Variants in EBF2 observed in about 807,000 individuals in gnomAD.
EBF2 encodes the protein transcription factor COE2.
A neutral mutation model predicts 72.8 loss-of-function variants in EBF2; 21 were observed. The observed-to-expected ratio is 0.29, with a 90% CI of 0.20 to 0.42. The LOEUF is 0.42. EBF2 is among the 10% of genes least tolerant of loss of function. The pLI is 1.00. For missense variants in EBF2, 637 were observed against 731.2 expected, an observed-to-expected ratio of 0.87 and a Z score of 1.49; for synonymous variants, 299 against 274.2, an observed-to-expected ratio of 1.09 and a Z score of -0.89.
chr8:25,892,374 A>T (rs1585184574), intron 7 of EBF2, among the ~76,000 whole-genome samples: 1 of 152,086 alleles, frequency 6.6e-6, no homozygotes, highest in Non-Finnish European at 1.5e-5. Context: ...CCAACCCCCT[A>T]CTCAACAATG....
chr8:25,986,027 T>TAAAAAAAAAAAAAAAAA (rs1486130098), intron 6 of EBF2, among the ~76,000 whole-genome samples: 7 of 29,148 alleles, frequency 2.4e-4, no homozygotes, highest in African/African-American at 3.8e-4. Context: ...AAAAAAAAAG[T>TAAAAAAAAAAAAAAAAA]ACATGAGGGG....
At chr8:25,999,446 T>C (rs1804686105) in intron 6 of EBF2, among the ~76,000 whole-genome samples, 1 of 152,218 alleles carries the variant, frequency 6.6e-6, no homozygotes, top group Non-Finnish European at 1.5e-5. Context: ...AAAACTCTCA[T>C]CTGACGAATG....
At chr8:25,892,697 A>G (rs1363383755) in intron 7 of EBF2, among the ~76,000 whole-genome samples, 1 of 152,234 alleles carries the variant, frequency 6.6e-6, no homozygotes, top group African/African-American at 2.4e-5. Flanking sequence ...CATCTTGAAC[A>G]TGGTGGTAAC....
At position 25,841,740 on chromosome 8, in the gene EBF2, A is replaced by C. The variant is rs1197591562; in HGVS notation, c.*2869T>G. ...GGTCCACTCATTTTTACAGTACAAA[A>C]ATTTTATTTTTTTGTTAGGATAATT... On this transcript the variant is annotated 3_prime_UTR_variant, in exon 16 of 16. Transcript: ENST00000520164. The C allele has an allele frequency of 6.6e-6, 1 of 152,168 alleles. No individual in the cohort carries two copies. Among genetic ancestry groups the C allele is most frequent in the Non-Finnish European group, 1.5e-5 (1 of 68,030 alleles). 9.4% of individuals were successfully genotyped at this position (152,168 alleles called of 1,614,324 possible).
intron 6 of EBF2, among the ~76,000 whole-genome samples, chr8:25,946,756 T>C (rs912735443): frequency 3.3e-5 from 5 of 152,194 alleles, no homozygotes; most frequent in African/African-American, 1.2e-4. Flanking sequence ...TCCCCTAGTC[T>C]CAACCCCTGC....
Position 26,045,111 on chromosome 8 carries a change from C to T in EBF2, c.-252G>A. The T allele has an allele frequency of 2.8e-6, 1 of 354,872 alleles. No individual in the cohort carries two copies. The highest frequency in any genetic ancestry group is 2.0e-5 in the African/African-American group (1 of 49,480). The allele number at this position is 354,872 out of a possible 1,614,324, so 22.0% of individuals were successfully genotyped here. ...CAGATCTGCCGCCTCAGCCACTCCA[C>T]CCTAGGTCGCTCGCATCCTTCCAGC... On this transcript the variant is annotated 5_prime_UTR_variant, in exon 1 of 16. The change creates a new upstream start codon in the 5' untranslated region. Transcript: ENST00000520164.
chr8:25,851,962 TATATAGC>T (rs1329194027), intron 14 of EBF2, among the ~76,000 whole-genome samples: 2 of 152,164 alleles, frequency 1.3e-5, no homozygotes, highest in Non-Finnish European at 2.9e-5. Context: ...ATAAAGCACT[TATATAGC>T]ATACTTCCCA....
chr8:26,041,944 G>C, intron 2 of EBF2, 151 bp downstream of exon 2: 8 of 1,191,930 alleles, frequency 6.7e-6, no homozygotes, highest in Non-Finnish European at 9.4e-6. Flanking sequence ...TCGGGAAATC[G>C]ACTGATTTAG....
At chr8:26,010,952 A>T (rs956023934) in intron 6 of EBF2, among the ~76,000 whole-genome samples, 3 of 150,932 alleles carry the variant, frequency 2.0e-5, no homozygotes, top group African/African-American at 7.3e-5. Context: ...TTTAAAGTGC[A>T]TAAACTTTTG....
At chr8:25,953,182 A>T (rs1803892136) in intron 6 of EBF2, among the ~76,000 whole-genome samples, 3 of 152,104 alleles carry the variant, frequency 2.0e-5, no homozygotes, top group Admixed American at 2.0e-4. Flanking sequence ...GCATTTCTTG[A>T]CCATGGCGAG....
chr8:25,858,411 A>G lies in EBF2; in HGVS notation c.1436T>C (p.Met479Thr), dbSNP rs1217207880. ...QSNYSTSSNS[M>T]NGYSNVPMAN... ...CATGGGGACATTGCTGTAGCCATTCATACTGTTGCTGGAGGTACTGTAATT... is the reference window on the plus strand; with the variant it reads ...CATGGGGACATTGCTGTAGCCATTCGTACTGTTGCTGGAGGTACTGTAATT... The change falls in exon 14 of 16, where the codon ATG becomes ACG. Residue 479 changes from methionine to threonine, a missense_variant. This residue lies in a region of EBF2 where 259 missense variants were observed against 268.1 expected (regional missense o/e 0.97). Transcript: ENST00000520164. 9.3e-6 allele frequency: 15 copies of G among 1,614,032 alleles called. No homozygotes were observed. The highest frequency in any genetic ancestry group is 6.7e-5 in the Admixed American group (4 of 59,996).
chr8:25,912,452 A>G (rs1034747657), intron 6 of EBF2, among the ~76,000 whole-genome samples: 7 of 136,996 alleles, frequency 5.1e-5, no homozygotes, highest in Admixed American at 8.0e-5. Context: ...ACACTTCAAA[A>G]TGGTCTAAAA....
intron 6 of EBF2, among the ~76,000 whole-genome samples, chr8:25,915,347 ATC>A (rs956284875): frequency 6.6e-6 from 1 of 151,974 alleles, no homozygotes; most frequent in African/African-American, 2.4e-5. Context: ...TGCCTTACTG[ATC>A]CACATGGGGG....
At chr8:25,856,969 G>A (rs1320621410) in intron 14 of EBF2, among the ~76,000 whole-genome samples, 4 of 151,960 alleles carry the variant, frequency 2.6e-5, no homozygotes, top group Admixed American at 6.6e-5. Context: ...TCAGTTTCTT[G>A]TTAGACTCTG....
rs1384927380 is a variant in EBF2, at chr8:25,939,206, C to T, written c.552-30651G>A. On this transcript the variant is annotated intron_variant, in intron 6 of 15. Coordinates refer to ENST00000520164, the MANE Select transcript of EBF2 (RefSeq NM_022659.4). ...GTGATCTTCTTTTCTTAGTTCCTTT[C>T]TTTTACATCACTAGATTTACTTGAG... Among the ~76,000 whole-genome samples the T allele has an allele frequency of 3.9e-5, 6 of 152,170 alleles. No homozygotes were observed. The East Asian group carries it at 1.2e-3, about 29-fold the overall frequency.
At chr8:25,878,699 T>C (rs1802561439) in intron 10 of EBF2, among the ~76,000 whole-genome samples, 1 of 152,198 alleles carries the variant, frequency 6.6e-6, no homozygotes, top group African/African-American at 2.4e-5. Context: ...ATAGCATTTG[T>C]AATTTTGGAT....
intron 10 of EBF2, among the ~76,000 whole-genome samples, chr8:25,866,694 T>A (rs1269332182): frequency 5.3e-4 from 78 of 147,830 alleles, no homozygotes; most frequent in Admixed American, 1.8e-3. Flanking sequence ...TGCAATGGCA[T>A]GATCTTGGCT....
intron 6 of EBF2, among the ~76,000 whole-genome samples, chr8:25,934,790 G>A (rs1172151926): frequency 6.6e-6 from 1 of 152,146 alleles, no homozygotes; most frequent in African/African-American, 2.4e-5. Flanking sequence ...TATGCATCCC[G>A]TATCCCATCA....
intron 10 of EBF2, among the ~76,000 whole-genome samples, chr8:25,882,811 G>A (rs930631051): frequency 6.6e-6 from 1 of 152,354 alleles, no homozygotes; most frequent in South Asian, 2.1e-4. Context: ...ATGTCAGGAA[G>A]GTGGGAGACA....
Sources: allele counts gnomAD v4.1 joint callset (sites outside exome capture counted in the v4.1 genomes callset), GRCh38; gene constraint gnomAD v4.1.1; regional missense constraint gnomAD v4.1.1; transcripts MANE v1.5; gene names NCBI Gene and HGNC (gene_info 2026-07-23, HGNC 2026-07-21).